The following LRRC37A variants were observed in gnomAD, a reference collection of about 807,000 sequenced individuals.
The protein encoded by LRRC37A is leucine rich repeat containing 37A, also known as leucine-rich repeat-containing protein 37A.
A neutral mutation model predicts 35.4 loss-of-function variants in LRRC37A; 3 were observed. The observed-to-expected ratio is 0.08, with a 90% CI of 0.04 to 0.22. LRRC37A has a LOEUF of 0.22. Among genes scored for constraint, LRRC37A ranks in the 10% least tolerant of loss-of-function variants. The pLI is 1.00. For synonymous variants in LRRC37A, 23 were observed against 215.0 expected (o/e 0.11, Z 7.81); for missense variants, 67 against 565.3 (o/e 0.12, Z 8.94).
the LRRC37A span, chr17:46,260,491 G>T: frequency 6.3e-5 from 101 of 1,600,376 alleles, 1 homozygote; most frequent in African/African-American, 1.2e-3. Context: ...GGGGTGGCCC[G>T]CCATACTTCC....
chr17:46,284,727 G>T, the LRRC37A span, among the ~76,000 whole-genome samples: 9 of 152,222 alleles, frequency 5.9e-5, no homozygotes, highest in African/African-American at 1.9e-4. Flanking sequence ...TACCACAGCT[G>T]ATTAATGATG....
chr17:46,280,000 C>T, the LRRC37A span, among the ~76,000 whole-genome samples: 3 of 152,334 alleles, frequency 2.0e-5, no homozygotes, highest in Non-Finnish European at 4.4e-5. Context: ...TACCGCACAG[C>T]CTGCTGTACA....
chr17:46,334,884 TACAATATA>T (rs1404920923), intron 10 of LRRC37A: 2 of 135,558 alleles, frequency 1.5e-5, no homozygotes, highest in African/African-American at 5.2e-5. Flanking sequence ...AAACAGAAAG[TACAATATA>T]ACAACTGTCA....
the LRRC37A span, among the ~76,000 whole-genome samples, chr17:46,253,508 A>T: frequency 6.6e-5 from 10 of 152,194 alleles, no homozygotes; most frequent in African/African-American, 2.4e-4. Context: ...GCACCTCGGG[A>T]GGCCGAGGCT....
chr17:46,275,358 T>C, the LRRC37A span: 1 of 985,838 alleles, frequency 1.0e-6, no homozygotes, highest in South Asian at 1.3e-5. Flanking sequence ...TGCTGTGTTT[T>C]ATGTTAGGTT....
the LRRC37A span, among the ~76,000 whole-genome samples, chr17:46,262,887 A>G: frequency 0.14 from 22,037 of 152,076 alleles, 2,141 homozygotes; most frequent in Non-Finnish European, 0.22. Flanking sequence ...TGAAATCAGC[A>G]GCTGATGTAC....
At chr17:46,261,823 C>T in the LRRC37A span, among the ~76,000 whole-genome samples, 483 of 152,060 alleles carry the variant, frequency 3.2e-3, 6 homozygotes, top group South Asian at 5.6e-3. Flanking sequence ...TATACTTATG[C>T]AGGTATTCAT....
At chr17:46,322,771 TTGAG>T (rs1290010366) in intron 6 of LRRC37A, among the ~76,000 whole-genome samples, 178 bp from the exon 7 acceptor site, 1 of 66,964 alleles carries the variant, frequency 1.5e-5, no homozygotes, top group African/African-American at 4.0e-5. Flanking sequence ...AGTTCTGCTC[TTGAG>T]TATCATTAAT....
chr17:46,258,411 A>G, the LRRC37A span, among the ~76,000 whole-genome samples: 5 of 152,076 alleles, frequency 3.3e-5, no homozygotes, highest in African/African-American at 1.2e-4. Context: ...GGGTTTTACC[A>G]TGTTGGCCAG....
the LRRC37A span, chr17:46,260,117 G>C: frequency 6.6e-7 from 1 of 1,524,510 alleles, no homozygotes; most frequent in Non-Finnish European, 8.7e-7. Context: ...GCCTCCTGCA[G>C]GCCGGGACCC....
At chr17:46,279,508 T>TC in the LRRC37A span, among the ~76,000 whole-genome samples, 3 of 149,814 alleles carry the variant, frequency 2.0e-5, no homozygotes, top group Non-Finnish European at 4.4e-5. Context: ...TTCTTTTTTT[T>TC]TTTTTTTTTT....
the LRRC37A span, among the ~76,000 whole-genome samples, chr17:46,265,095 A>AGCTT: frequency 0.13 from 19,220 of 151,642 alleles, no homozygotes; most frequent in Middle Eastern, 0.2. Flanking sequence ...GGTGTACCCA[A>AGCTT]GCTTTGCAGT....
At chr17:46,251,643 A>G in the LRRC37A span, among the ~76,000 whole-genome samples, 2 of 151,308 alleles carry the variant, frequency 1.3e-5, no homozygotes, top group African/African-American at 4.8e-5. Context: ...AGGTGAAGAA[A>G]TTGCCATAAA....
the LRRC37A span, chr17:46,266,965 T>G: frequency 6.5e-6 from 1 of 154,400 alleles, no homozygotes; most frequent in African/African-American, 2.5e-5. Context: ...CCGCCGGCCC[T>G]GCCCACCCCA....
chr17:46,264,948 CACTTG>C, the LRRC37A span, among the ~76,000 whole-genome samples: 1 of 152,226 alleles, frequency 6.6e-6, no homozygotes, highest in Non-Finnish European at 1.5e-5. Flanking sequence ...AATTTTATTC[CACTTG>C]ACTTAAATAA....
At chr17:46,254,036 C>G in the LRRC37A span, among the ~76,000 whole-genome samples, 1 of 152,154 alleles carries the variant, frequency 6.6e-6, no homozygotes, top group Non-Finnish European at 1.5e-5. Flanking sequence ...AAGGTCGCAC[C>G]CTGAGAGGCC....
the LRRC37A span, among the ~76,000 whole-genome samples, chr17:46,265,014 G>A: frequency 1.5e-4 from 23 of 152,248 alleles, no homozygotes; most frequent in Admixed American, 1.1e-3. Context: ...AGGGCCCCGA[G>A]GGCATGAACT....
chr17:46,275,418 C>T, the LRRC37A span: 2 of 959,464 alleles, frequency 2.1e-6, no homozygotes, highest in African/African-American at 1.8e-5. Flanking sequence ...TGTTGTGAGA[C>T]CTACAGAGTA....
chr17:46,264,153 T>C, the LRRC37A span, among the ~76,000 whole-genome samples: 2 of 151,652 alleles, frequency 1.3e-5, no homozygotes, highest in Admixed American at 6.6e-5. Flanking sequence ...TGACTTTTTT[T>C]TTTTTTTTTT....
Sources: gnomAD v4.1 joint callset for allele counts (sites outside exome capture counted in the v4.1 genomes callset) on GRCh38, gnomAD v4.1.1 for gene constraint, MANE v1.5 for transcripts, NCBI Gene and HGNC (gene_info 2026-07-23, HGNC 2026-07-21) for gene names.